SND1: variants seen among roughly 807,000 people sequenced by gnomAD.
SND1 encodes staphylococcal nuclease domain-containing protein 1.
A neutral mutation model predicts 121.7 loss-of-function variants in SND1; 38 were observed. That is an observed-to-expected ratio of 0.31 (90% CI 0.24 to 0.41). The LOEUF (loss-of-function observed/expected upper bound fraction) is 0.41, where lower values mean the gene tolerates loss of function less well. Among genes scored for constraint, SND1 ranks in the 10% least tolerant of loss-of-function variants. The pLI is 1.00. For missense variants in SND1, 868 were observed against 1,184.6 expected, an observed-to-expected ratio of 0.73 and a Z score of 3.92; for synonymous variants, 401 against 447.4, an observed-to-expected ratio of 0.90 and a Z score of 1.31.
At chr7:128,091,233 G>C (rs372192345) in intron 22 of SND1, among the ~76,000 whole-genome samples, 1 of 152,278 alleles carries the variant, frequency 6.6e-6, no homozygotes, top group South Asian at 2.1e-4. Context: ...CTCTTGTTTG[G>C]TTTGGTTTCT....
intron 10 of SND1, among the ~76,000 whole-genome samples, chr7:127,774,964 A>C (rs1240249309): frequency 6.6e-6 from 1 of 152,234 alleles, no homozygotes; most frequent in African/African-American, 2.4e-5. Flanking sequence ...TGCCTACACT[A>C]TTCAGTACTG....
At chr7:127,916,646 G>A (rs572236731) in intron 14 of SND1, among the ~76,000 whole-genome samples, 14 of 152,260 alleles carry the variant, frequency 9.2e-5, no homozygotes, top group South Asian at 6.2e-4. Flanking sequence ...CCAAGCTGTC[G>A]GAGATAAATC....
intron 16 of SND1, among the ~76,000 whole-genome samples, chr7:128,053,043 A>G (rs564992707): frequency 1.3e-5 from 2 of 152,350 alleles, no homozygotes; most frequent in South Asian, 4.1e-4. Context: ...TTGAATAGGC[A>G]TTAGCCAGAT....
intron 10 of SND1, among the ~76,000 whole-genome samples, chr7:127,781,874 G>A (rs745921551): frequency 2.0e-5 from 3 of 152,098 alleles, no homozygotes; most frequent in Non-Finnish European, 2.9e-5. Context: ...CCCAGTAATC[G>A]TTTCATAGAG....
intron 11 of SND1, among the ~76,000 whole-genome samples, chr7:127,836,180 T>G (rs1375009981): frequency 6.6e-6 from 1 of 152,138 alleles, no homozygotes; most frequent in Non-Finnish European, 1.5e-5. Context: ...CGTCTGCCCA[T>G]CCCGGGGACA....
chr7:127,892,205 G>A (rs533874751), intron 13 of SND1, among the ~76,000 whole-genome samples: 2 of 152,124 alleles, frequency 1.3e-5, no homozygotes, highest in Non-Finnish European at 2.9e-5. Flanking sequence ...CTGCCTAGAA[G>A]TTGATGAGCT....
In SND1 at chr7:128,030,398, G is replaced by A; in HGVS notation, c.1779+39342G>A. On this transcript the variant is annotated intron_variant, in intron 16 of 23. Coordinates refer to ENST00000354725, the MANE Select transcript of SND1 (RefSeq NM_014390.4). ...TCATCTGGATGTTGTTCTCCATGAG[G>A]TTGAGGTACCGGGTGTTCGAGGGAA... 1.2e-6 allele frequency: 2 copies of A among 1,613,968 alleles called. 1 individual carries two copies. The highest frequency in any genetic ancestry group is 2.2e-5 in the South Asian group (2 of 91,090).
chr7:127,843,943 T>C (rs533577936), intron 11 of SND1, among the ~76,000 whole-genome samples: 2 of 152,358 alleles, frequency 1.3e-5, no homozygotes, highest in East Asian at 3.9e-4. Flanking sequence ...CGAGCAGTGG[T>C]ATCTCATTGT....
rs374865628 is a variant in SND1, at chr7:127,807,551, G to A, written c.1220G>A (p.Arg407Gln). 4.6e-5 allele frequency: 75 copies of A among 1,613,606 alleles called. 1 individual carries two copies. Among genetic ancestry groups the A allele is most frequent in the Non-Finnish European group, 6.0e-5 (71 of 1,179,750 alleles). ...ATGTTTGAGGCCCGGGAATTTCTTCGAAAAAAGCTTATTGGGAAGAAGGTA... is the reference window on the plus strand; with the variant it reads ...ATGTTTGAGGCCCGGGAATTTCTTCAAAAAAAGCTTATTGGGAAGAAGGTA... ...PYMFEAREFL[R>Q]KKLIGKKVNV... Residue 407 changes from arginine to glutamine, a missense_variant, in exon 11 of 24, where the codon CGA (arginine) becomes CAA (glutamine). Coordinates refer to ENST00000354725, the MANE Select transcript of SND1 (RefSeq NM_014390.4).
At chr7:127,850,345 T>A (rs1256746945) in intron 12 of SND1, among the ~76,000 whole-genome samples, 1 of 152,222 alleles carries the variant, frequency 6.6e-6, no homozygotes, top group Non-Finnish European at 1.5e-5. Context: ...ACTTTCAAGC[T>A]ACACTTGGGC....
At chr7:127,858,224 A>T (rs1329624228) in intron 12 of SND1, 1 of 780,766 alleles carries the variant, frequency 1.3e-6, no homozygotes, top group Non-Finnish European at 2.3e-6. Context: ...TTCCTGGTAC[A>T]TGCCAAGGTT....
In SND1 at chr7:128,014,044, G is replaced by T. The variant is rs543146800; in HGVS notation, c.1779+22988G>T. Among the ~76,000 whole-genome samples the T allele has an allele frequency of 3.9e-5, 6 of 152,326 alleles. No homozygotes were observed. The South Asian group carries it at 6.2e-4, about 16-fold the overall frequency. ...CCTTCCTTGCCTGGGGCTCTGAGGA[G>T]AGTGACCTGCTTGTAGGAGGGTTTC... On this transcript the variant is annotated intron_variant, in intron 16 of 23. Transcript: ENST00000354725.
intron 12 of SND1, among the ~76,000 whole-genome samples, chr7:127,869,694 G>A (rs1487182648): frequency 1.3e-5 from 2 of 152,080 alleles, no homozygotes; most frequent in Admixed American, 6.5e-5. Flanking sequence ...AGTTTACATT[G>A]ATACAGTGTC....
intron 10 of SND1, among the ~76,000 whole-genome samples, chr7:127,722,689 G>T (rs1372764844): frequency 6.6e-6 from 1 of 152,146 alleles, no homozygotes; most frequent in Non-Finnish European, 1.5e-5. Context: ...ATTTGTGTGA[G>T]AGTTTATAGA....
intron 16 of SND1, 125 bp from the exon 17 acceptor site, chr7:128,074,377 G>A: frequency 5.4e-6 from 5 of 917,832 alleles, no homozygotes; most frequent in Non-Finnish European, 8.1e-6. Flanking sequence ...GGGGTTCCCA[G>A]AGGTTGGCAG....
chr7:127,911,107 G>A (rs755803327), intron 14 of SND1, among the ~76,000 whole-genome samples: 5 of 152,158 alleles, frequency 3.3e-5, no homozygotes, highest in East Asian at 3.9e-4. Flanking sequence ...GTTGTGTTTC[G>A]TAGCTCAAGT....
At chr7:127,923,996 T>C (rs1311395825) in intron 14 of SND1, among the ~76,000 whole-genome samples, 1 of 152,144 alleles carries the variant, frequency 6.6e-6, no homozygotes, top group Non-Finnish European at 1.5e-5. Context: ...CTTTTTTTTT[T>C]TTCCTGTGTC....
At chr7:127,988,211 C>T (rs772132774) in intron 15 of SND1, among the ~76,000 whole-genome samples, 8 of 152,188 alleles carry the variant, frequency 5.3e-5, no homozygotes, top group Non-Finnish European at 1.0e-4. Context: ...ATTTCTAATA[C>T]TCAGACATTC....
intron 11 of SND1, among the ~76,000 whole-genome samples, chr7:127,819,575 T>C (rs1162235544): frequency 1.3e-5 from 2 of 152,184 alleles, no homozygotes; most frequent in African/African-American, 4.8e-5. Context: ...TAGGATGGGC[T>C]GGAGGTAGAA....
Sources: gnomAD v4.1 joint callset for allele counts (sites outside exome capture counted in the v4.1 genomes callset) on GRCh38, gnomAD v4.1.1 for gene constraint, MANE v1.5 for transcripts, NCBI Gene and HGNC (gene_info 2026-07-23, HGNC 2026-07-21) for gene names.